DNM3: variants seen among roughly 807,000 people sequenced by gnomAD.
The protein encoded by DNM3 is dynamin 3.
Under a neutral mutation model 101.6 loss-of-function variants are expected in DNM3, and 47 were observed. The ratio of observed to expected loss-of-function variants is 0.46; its 90% CI spans 0.37 to 0.59. The LOEUF is 0.59. Ranked by LOEUF, DNM3 falls within the 20% of genes least tolerant of loss-of-function variation. DNM3 has a pLI of 0.00. For synonymous variants in DNM3, 385 were observed against 387.9 expected (o/e 0.99, Z 0.09); for missense variants, 849 against 1,085.7 (o/e 0.78, Z 3.06).
intron 1 of DNM3, among the ~76,000 whole-genome samples, chr1:171,890,490 A>G (rs904532624): frequency 7.2e-5 from 11 of 152,228 alleles, no homozygotes; most frequent in African/African-American, 2.7e-4. Flanking sequence ...TTAACAAACC[A>G]TATTTCAAAG....
intron 1 of DNM3, among the ~76,000 whole-genome samples, chr1:171,881,095 T>A (rs2036232333): frequency 6.6e-6 from 1 of 152,190 alleles, no homozygotes; most frequent in Admixed American, 6.5e-5. Context: ...GCAGTTATGA[T>A]ACCATCTTGT....
chr1:171,873,393 T>A (rs532268016), intron 1 of DNM3, among the ~76,000 whole-genome samples: 3 of 152,190 alleles, frequency 2.0e-5, no homozygotes, highest in Non-Finnish European at 4.4e-5. Flanking sequence ...AGGCACTGTT[T>A]TAAGAGCTAG....
chr1:172,267,628 CA>C (rs2062915284), intron 15 of DNM3, among the ~76,000 whole-genome samples: 1 of 151,556 alleles, frequency 6.6e-6, no homozygotes, highest in Non-Finnish European at 1.5e-5. Context: ...GTTTATTATT[CA>C]AAAATGCTTT....
intron 1 of DNM3, among the ~76,000 whole-genome samples, chr1:171,852,625 C>T (rs2033109936): frequency 6.6e-6 from 1 of 152,186 alleles, no homozygotes; most frequent in Admixed American, 6.5e-5. Flanking sequence ...GGAGCTGTTA[C>T]TTGGAAAAGG....
At chr1:172,335,365 G>A (rs1414746769) in intron 17 of DNM3, among the ~76,000 whole-genome samples, 1 of 152,102 alleles carries the variant, frequency 6.6e-6, no homozygotes, top group African/African-American at 2.4e-5. Flanking sequence ...TCTTATGAAA[G>A]CTATTAAAAA....
chr1:171,989,017 A>C lies in DNM3; in HGVS notation c.458A>C (p.Glu153Ala). 1 of 1,610,222 alleles carries C rather than the reference A, an allele frequency of 6.2e-7. No individual in the cohort carries two copies. The highest frequency in any genetic ancestry group is 8.5e-7 in the Non-Finnish European group (1 of 1,178,074). Residue 153 changes from glutamate (E) to alanine (A), a missense_variant, in exon 4 of 21, where the codon GAG becomes GCG. By Grantham distance (107) the Glu-to-Ala change is moderately radical. Coordinates refer to ENST00000627582, the MANE Select transcript of DNM3 (RefSeq NM_015569.5). ...VPVGDQPPDIEYQIREMIMQF... is the reference protein window; with the variant it reads ...VPVGDQPPDIAYQIREMIMQF... ...GTGGGAGATCAGCCACCAGATATCG[A>C]GTATCAGATCAGAGAAATGATTATG...
At chr1:172,023,327 G>A (rs918045308) in intron 4 of DNM3, among the ~76,000 whole-genome samples, 1 of 151,986 alleles carries the variant, frequency 6.6e-6, no homozygotes, top group Non-Finnish European at 1.5e-5. Flanking sequence ...TGTAGAACAC[G>A]TTCTTTAACA....
intron 20 of DNM3, among the ~76,000 whole-genome samples, chr1:172,401,569 T>C (rs769674381): frequency 1.3e-5 from 2 of 152,214 alleles, no homozygotes; most frequent in Non-Finnish European, 2.9e-5. Context: ...ACATACATTA[T>C]AAAATCATGG....
intron 4 of DNM3, among the ~76,000 whole-genome samples, chr1:172,026,592 A>G (rs2048220303): frequency 6.6e-6 from 1 of 152,144 alleles, no homozygotes; most frequent in African/African-American, 2.4e-5. Flanking sequence ...GGCCCATCAG[A>G]CTAACAGCAG....
chr1:172,124,257 C>A (rs968655756), intron 13 of DNM3, among the ~76,000 whole-genome samples: 1 of 152,124 alleles, frequency 6.6e-6, no homozygotes, highest in Non-Finnish European at 1.5e-5. Context: ...GAATTACATT[C>A]CCAAAGGTGT....
intron 4 of DNM3, among the ~76,000 whole-genome samples, chr1:171,993,498 C>CTTTTTTTTTTTTTTTTTTTT (rs145178902): frequency 1.6e-5 from 2 of 128,692 alleles, no homozygotes; most frequent in African/African-American, 2.9e-5. Flanking sequence ...TTTCAAGATT[C>CTTTTTTTTTTTTTTTTTTTT]TTTTTTTTTT....
chr1:172,118,957 G>A (rs968432527), intron 13 of DNM3, among the ~76,000 whole-genome samples: 1 of 151,850 alleles, frequency 6.6e-6, no homozygotes, highest in Non-Finnish European at 1.5e-5. Context: ...CATCACCTTT[G>A]GGGATTGGTC....
At chr1:171,845,536 A>T (rs1429394140) in intron 1 of DNM3, among the ~76,000 whole-genome samples, 6 of 152,264 alleles carry the variant, frequency 3.9e-5, no homozygotes, top group Admixed American at 1.3e-4. Flanking sequence ...CATGGCTGAT[A>T]GAGCAAGACT....
At chr1:172,005,285 A>G (rs1441940305) in intron 4 of DNM3, among the ~76,000 whole-genome samples, 1 of 152,078 alleles carries the variant, frequency 6.6e-6, no homozygotes, top group Non-Finnish European at 1.5e-5. Context: ...TAAACTATAT[A>G]AAAGTGTTAC....
rs150138819 is a variant in DNM3 at position 172,271,647 on chromosome 1, G to A, written c.1769+17965G>A. 2.2e-4 allele frequency among the ~76,000 whole-genome samples: 33 copies of A among 152,082 alleles called. No homozygotes were observed. In the East Asian group the frequency reaches 5.2e-3, roughly 24 times the overall value. The stretch of plus-strand genomic sequence containing the variant: ...CTTCTTTGATATTCCACCAAAACTC[G>A]ACAAGTAATTGTTTCTTAAAAGTTA... On this transcript the variant is annotated intron_variant, in intron 15 of 20. Transcript: ENST00000627582.
intron 1 of DNM3, among the ~76,000 whole-genome samples, chr1:171,914,823 A>G (rs1343771102): frequency 6.6e-6 from 1 of 152,168 alleles, no homozygotes; most frequent in Non-Finnish European, 1.5e-5. Flanking sequence ...AAGTGTAAAA[A>G]ATATTTAGTG....
intron 14 of DNM3, among the ~76,000 whole-genome samples, chr1:172,186,634 A>G (rs956199766): frequency 6.6e-6 from 1 of 152,060 alleles, no homozygotes; most frequent in Admixed American, 6.6e-5. Context: ...TGCTTCTTCA[A>G]GGGACTTCTC....
At chr1:172,299,949 G>T (rs1432350655) in intron 15 of DNM3, among the ~76,000 whole-genome samples, 1 of 152,118 alleles carries the variant, frequency 6.6e-6, no homozygotes, top group Non-Finnish European at 1.5e-5. Flanking sequence ...TTAGTTCTTT[G>T]AGAAATCTAC....
chr1:172,348,474 G>A (rs572966512), intron 17 of DNM3, among the ~76,000 whole-genome samples: 15 of 152,120 alleles, frequency 9.9e-5, no homozygotes, highest in East Asian at 1.9e-4. Flanking sequence ...GTACAATATC[G>A]TTCAACAGAT....
Sources: gnomAD v4.1 joint callset for allele counts (sites outside exome capture counted in the v4.1 genomes callset) on GRCh38, gnomAD v4.1.1 for gene constraint, MANE v1.5 for transcripts, NCBI Gene and HGNC (gene_info 2026-07-23, HGNC 2026-07-21) for gene names.